Variants in FAIM2 observed in about 807,000 individuals in gnomAD.
FAIM2 encodes the protein Fas apoptotic inhibitory molecule 2, also known as protein lifeguard 2.
FAIM2 carries 27 observed loss-of-function variants against 47.4 expected under a neutral mutation model. The ratio of observed to expected loss-of-function variants is 0.57; its 90% CI spans 0.42 to 0.78. The LOEUF is 0.78. Ranked by LOEUF, FAIM2 falls within the 30% of genes least tolerant of loss-of-function variation. FAIM2 has a pLI of 0.00. For missense variants in FAIM2, 311 were observed against 389.4 expected (o/e 0.80, Z 1.69); for synonymous variants, 156 against 159.3 (o/e 0.98, Z 0.16).
chr12:49,873,776 T>C (rs1370057701), intron 11 of FAIM2, among the ~76,000 whole-genome samples: 1 of 152,198 alleles, frequency 6.6e-6, no homozygotes, highest in Admixed American at 6.5e-5. Flanking sequence ...TTCTCTGGGA[T>C]GGCCTGCTTC....
At position 49,869,607 on chromosome 12, in the gene FAIM2, C is replaced by T. The variant is rs562828172; in HGVS notation, c.*897G>A. On this transcript the variant is annotated 3_prime_UTR_variant, in exon 12 of 12. Transcript: ENST00000320634. The stretch of plus-strand genomic sequence containing the variant: ...TGCCTCCTCCCCCAGAACATCCAGC[C>T]GGAGGGCCCAATCACACCTCACTCA... 3.3e-5 allele frequency: 5 copies of T among 152,612 alleles called. No homozygotes were observed. In the South Asian group the frequency reaches 6.2e-4, roughly 19 times the overall value. The allele number at this position is 152,612 out of a possible 1,614,324, so 9.5% of individuals were successfully genotyped here.
chr12:49,879,452 G>C (rs544457239), intron 11 of FAIM2, among the ~76,000 whole-genome samples: 2 of 150,710 alleles, frequency 1.3e-5, no homozygotes, highest in African/African-American at 2.5e-5. Flanking sequence ...ATATGTGTGT[G>C]CATACGTGTA....
intron 11 of FAIM2, among the ~76,000 whole-genome samples, chr12:49,880,991 GTC>G (rs1232501939): frequency 2.6e-5 from 4 of 152,084 alleles, no homozygotes; most frequent in Non-Finnish European, 4.4e-5. Context: ...AGGGCTCCAG[GTC>G]TCAGCCCTGC....
chr12:49,897,121 G>A (rs543814184), intron 4 of FAIM2, 37 bp from the exon 5 acceptor site: 1 of 1,511,058 alleles, frequency 6.6e-7, no homozygotes, highest in Admixed American at 1.7e-5. Flanking sequence ...GAGTCAGAAT[G>A]TACCCTAGGT....
intron 11 of FAIM2, among the ~76,000 whole-genome samples, chr12:49,878,695 T>TA: frequency 8.3e-6 from 1 of 120,108 alleles, no homozygotes; most frequent in Non-Finnish European, 1.6e-5. Flanking sequence ...TGTGAGTGTA[T>TA]GTGCATGTGT....
chr12:49,868,613 G>T lies in FAIM2; in HGVS notation c.*1891C>A, dbSNP rs1325800565. On this transcript the variant is annotated 3_prime_UTR_variant, in exon 12 of 12. Coordinates refer to ENST00000320634, the MANE Select transcript of FAIM2 (RefSeq NM_012306.4). ...CCCCCACCCAGGCCCAGGGGCAAGC[G>T]TGATACCCTGTTTGCTTGAGGCAGC... The T allele has an allele frequency of 6.6e-6, 1 of 152,410 alleles. No individual in the cohort carries two copies. The highest frequency in any genetic ancestry group is 2.4e-5 in the African/African-American group (1 of 41,562). The allele number at this position is 152,410 out of a possible 1,614,324, so 9.4% of individuals were successfully genotyped here.
intron 9 of FAIM2, 36 bp from the exon 10 acceptor site, chr12:49,889,238 C>A (rs1175750793): frequency 6.5e-6 from 10 of 1,529,908 alleles, no homozygotes; most frequent in Non-Finnish European, 9.0e-6. Context: ...GCAGGAGCGG[C>A]CTGACCTTCC....
At chr12:49,873,382 CCTT>C (rs1314363354) in intron 11 of FAIM2, among the ~76,000 whole-genome samples, 4 of 152,060 alleles carry the variant, frequency 2.6e-5, no homozygotes, top group Non-Finnish European at 5.9e-5. Context: ...CCGCTCTGCT[CCTT>C]CTGTGTTTGA....
At chr12:49,871,792 G>A (rs745318375) in intron 11 of FAIM2, among the ~76,000 whole-genome samples, 10 of 151,464 alleles carry the variant, frequency 6.6e-5, no homozygotes, top group Non-Finnish European at 1.0e-4. Context: ...TCAGCCTCCC[G>A]AGGAGCTAGG....
At position 49,876,644 on chromosome 12, in the gene FAIM2, C is replaced by T. The variant is rs564264145; in HGVS notation, c.802-5991G>A. ...AAAATTAGCCGGGCGTGGTGGTGCA[C>T]GCCTGTAGTCCCAGCTACTCGGGAG... On this transcript the variant is annotated intron_variant, in intron 11 of 11. Coordinates refer to ENST00000320634, the MANE Select transcript of FAIM2 (RefSeq NM_012306.4). Among the ~76,000 whole-genome samples, 15 of 151,554 alleles carry T rather than the reference C, an allele frequency of 9.9e-5. No individual in the cohort carries two copies. The East Asian group carries it at 1.7e-3, about 18-fold the overall frequency.
intron 11 of FAIM2, among the ~76,000 whole-genome samples, chr12:49,880,487 CATGTGTATGT>C (rs1408638627): frequency 1.1e-4 from 4 of 37,562 alleles, no homozygotes; most frequent in Non-Finnish European, 1.5e-4. Flanking sequence ...CATGTGTATG[CATGTGTATGT>C]GTGTGTATGA....
chr12:49,903,876 C>G lies in FAIM2; in HGVS notation c.-84G>C. On this transcript the variant is annotated 5_prime_UTR_variant, in exon 1 of 12. Transcript: ENST00000320634. Reference sequence around the variant, plus strand: ...GCCTGCCTGCGTCTCTTCCTTCCTCCGCGTGGGTTCTAGCAACATCCACTG... The same window carrying G: ...GCCTGCCTGCGTCTCTTCCTTCCTCGGCGTGGGTTCTAGCAACATCCACTG... 7.1e-7 allele frequency: 1 copy of G among 1,406,178 alleles called. No homozygotes were observed. The highest frequency in any genetic ancestry group is 9.5e-7 in the Non-Finnish European group (1 of 1,051,108). The allele number at this position is 1,406,178 out of a possible 1,614,324, so 87.1% of individuals were successfully genotyped here.
intron 11 of FAIM2, 44 bp from the exon 12 acceptor site, chr12:49,870,697 C>A: frequency 6.2e-7 from 1 of 1,600,718 alleles, no homozygotes; most frequent in Non-Finnish European, 8.5e-7. Context: ...GAGGCCCAGG[C>A]AGTGTGACAC....
chr12:49,900,128 G>A (rs1025913056), intron 2 of FAIM2: 1 of 1,086,922 alleles, frequency 9.2e-7, no homozygotes, highest in Non-Finnish European at 1.2e-6. Context: ...GTGTAGGGAA[G>A]GGAGGAGGAC....
intron 11 of FAIM2, among the ~76,000 whole-genome samples, chr12:49,879,607 T>A (rs1388483400): frequency 6.6e-6 from 1 of 151,764 alleles, no homozygotes; most frequent in Non-Finnish European, 1.5e-5. Context: ...CATGCGAGTG[T>A]ATGTGTGTGC....
At chr12:49,879,966 G>GTGTA (rs1555158362) in intron 11 of FAIM2, among the ~76,000 whole-genome samples, 16 of 149,090 alleles carry the variant, frequency 1.1e-4, no homozygotes, top group East Asian at 6.0e-4. Context: ...GTATGTGCAT[G>GTGTA]TGTGTGTATA....
chr12:49,871,996 A>G (rs900784823), intron 11 of FAIM2, among the ~76,000 whole-genome samples: 2 of 152,130 alleles, frequency 1.3e-5, no homozygotes, highest in Non-Finnish European at 2.9e-5. Flanking sequence ...ATTGATTCAC[A>G]TTCTTGTTAA....
In FAIM2 at chr12:49,901,342, G is replaced by C; in HGVS notation, c.16-17C>G. Reference sequence around the variant, plus strand: ...CACGGAGAGCTATGGAGTAGAGTCAGAGAGAGAGATAGTCACCAGGGAAAG... The same window carrying C: ...CACGGAGAGCTATGGAGTAGAGTCACAGAGAGAGATAGTCACCAGGGAAAG... On this transcript the variant is annotated splice_polypyrimidine_tract_variant and intron_variant, in intron 1 of 11. Coordinates refer to ENST00000320634, the MANE Select transcript of FAIM2 (RefSeq NM_012306.4). The C allele has an allele frequency of 6.7e-7, 1 of 1,489,300 alleles. No individual in the cohort carries two copies. The highest frequency in any genetic ancestry group is 8.9e-7 in the Non-Finnish European group (1 of 1,117,940). The allele number at this position is 1,489,300 out of a possible 1,614,324, so 92.3% of individuals were successfully genotyped here.
At chr12:49,879,424 G>A (rs575904242) in intron 11 of FAIM2, among the ~76,000 whole-genome samples, 1 of 144,824 alleles carries the variant, frequency 6.9e-6, no homozygotes, top group African/African-American at 2.6e-5. Flanking sequence ...GTGAGTGTAT[G>A]TGTGTATGTG....
Sources: allele counts gnomAD v4.1 joint callset (sites outside exome capture counted in the v4.1 genomes callset), GRCh38; gene constraint gnomAD v4.1.1; transcripts MANE v1.5; gene names NCBI Gene and HGNC (gene_info 2026-07-23, HGNC 2026-07-21).